FGGY: variants seen among roughly 807,000 people sequenced by gnomAD.
The protein encoded by FGGY is FGGY carbohydrate kinase domain containing.
FGGY carries 72 observed loss-of-function variants against 71.3 expected under a neutral mutation model. The ratio of observed to expected loss-of-function variants is 1.01; its 90% CI spans 0.84 to 1.23. The LOEUF is 1.23. FGGY is among the 50% of genes most tolerant of loss of function. The pLI is 0.00. For synonymous variants in FGGY, 251 were observed against 250.3 expected (o/e 1.00, Z -0.02); for missense variants, 668 against 682.3 (o/e 0.98, Z 0.23).
intron 7 of FGGY, among the ~76,000 whole-genome samples, chr1:59,542,690 A>G (rs1391972925): frequency 1.3e-5 from 2 of 152,064 alleles, no homozygotes; most frequent in South Asian, 2.1e-4. Context: ...TCCCAATCTC[A>G]GGTGATCTGC....
chr1:59,455,472 C>T (rs1264794841), intron 5 of FGGY, among the ~76,000 whole-genome samples: 1 of 152,108 alleles, frequency 6.6e-6, no homozygotes, highest in African/African-American at 2.4e-5. Flanking sequence ...TGGGGATGGC[C>T]AGAACGGAGT....
intron 8 of FGGY, among the ~76,000 whole-genome samples, chr1:59,559,806 GTAT>G (rs2095756194): frequency 6.6e-6 from 1 of 152,214 alleles, no homozygotes; most frequent in South Asian, 2.1e-4. Flanking sequence ...GTAAAATGAA[GTAT>G]TATGAATTAT....
At chr1:59,722,229 T>C (rs1489387788) in intron 14 of FGGY, among the ~76,000 whole-genome samples, 2 of 152,106 alleles carry the variant, frequency 1.3e-5, no homozygotes, top group African/African-American at 2.4e-5. Flanking sequence ...ACTGACAAAG[T>C]ACCATTCTCA....
intron 14 of FGGY, among the ~76,000 whole-genome samples, chr1:59,686,384 T>C (rs2097544414): frequency 6.6e-6 from 1 of 152,194 alleles, no homozygotes; most frequent in Admixed American, 6.5e-5. Flanking sequence ...TGTTGAAGCA[T>C]ATCAAATATC....
intron 10 of FGGY, among the ~76,000 whole-genome samples, chr1:59,632,641 C>T (rs1338904495): frequency 6.6e-6 from 1 of 152,216 alleles, no homozygotes; most frequent in African/African-American, 2.4e-5. Context: ...TGGCACTGTG[C>T]TTAGTGATAA....
intron 5 of FGGY, among the ~76,000 whole-genome samples, chr1:59,430,825 G>T (rs1386265533): frequency 6.6e-6 from 1 of 152,066 alleles, no homozygotes; most frequent in Admixed American, 6.5e-5. Context: ...TATCAGCCCT[G>T]TACCTCTCCT....
intron 5 of FGGY, among the ~76,000 whole-genome samples, chr1:59,381,593 T>C (rs1018837232): frequency 4.0e-4 from 60 of 151,870 alleles, no homozygotes; most frequent in Admixed American, 9.2e-4. Flanking sequence ...ATGCAGTCTG[T>C]TATTGACTGG....
chr1:59,519,356 TG>T (rs996048050), intron 7 of FGGY, among the ~76,000 whole-genome samples: 13 of 152,330 alleles, frequency 8.5e-5, no homozygotes, highest in Admixed American at 7.8e-4. Context: ...AGTGGACTTC[TG>T]GGAATTTGTA....
rs536129730 is a variant in FGGY at position 59,699,196 on chromosome 1, G to A, written c.1512+25063G>A. 18 of 985,184 alleles carry A rather than the reference G, an allele frequency of 1.8e-5. No homozygotes were observed. In the South Asian group the frequency reaches 7.5e-4, roughly 41 times the overall value. 61.0% of individuals were successfully genotyped at this position (985,184 alleles called of 1,614,324 possible). On this transcript the variant is annotated intron_variant, in intron 14 of 15. Coordinates refer to ENST00000303721, the MANE Select transcript of FGGY (RefSeq NM_018291.5). ...GCTGAGTCCCTCAGTGTAAATGTTA[G>A]GAGAAAGAACAGTTCTGAGATTTTT...
In FGGY at chr1:59,364,608, A is replaced by T. The variant is rs537460659; in HGVS notation, c.466-14141A>T. Among the ~76,000 whole-genome samples, 15 of 152,348 alleles carry T rather than the reference A, an allele frequency of 9.8e-5. No individual in the cohort carries two copies. The South Asian group carries it at 2.7e-3, about 27-fold the overall frequency. On this transcript the variant is annotated intron_variant, in intron 4 of 15. Transcript: ENST00000303721. ...GGAGTAGAGATATTTAATAAAAAACATAGCTCTTGCCTTTGAGGAGCTTTC... is the reference window on the plus strand; with the variant it reads ...GGAGTAGAGATATTTAATAAAAAACTTAGCTCTTGCCTTTGAGGAGCTTTC...
At chr1:59,651,771 A>T (rs2097164326) in intron 11 of FGGY, among the ~76,000 whole-genome samples, 1 of 150,124 alleles carries the variant, frequency 6.7e-6, no homozygotes, top group Non-Finnish European at 1.5e-5. Context: ...TAATATTGTT[A>T]TGTGTGAATT....
intron 14 of FGGY, among the ~76,000 whole-genome samples, chr1:59,695,308 C>T (rs944110073): frequency 6.6e-6 from 1 of 152,132 alleles, no homozygotes; most frequent in Non-Finnish European, 1.5e-5. Flanking sequence ...CCGGGAGCAG[C>T]GGCTTCTTAC....
intron 9 of FGGY, among the ~76,000 whole-genome samples, chr1:59,622,022 C>G (rs1265315949): frequency 6.6e-6 from 1 of 151,840 alleles, no homozygotes; most frequent in African/African-American, 2.4e-5. Flanking sequence ...CTCTCTCTCT[C>G]TTTCTCTCTC....
At chr1:59,536,324 G>A (rs1570877757) in intron 7 of FGGY, among the ~76,000 whole-genome samples, 1 of 152,198 alleles carries the variant, frequency 6.6e-6, no homozygotes, top group African/African-American at 2.4e-5. Context: ...CTCTGAAATT[G>A]TGTCAATAAT....
chr1:59,588,056 G>A (rs1289776268), intron 8 of FGGY, among the ~76,000 whole-genome samples: 1 of 152,146 alleles, frequency 6.6e-6, no homozygotes, highest in Non-Finnish European at 1.5e-5. Context: ...AAAAAATTCA[G>A]ATGAATGTAT....
intron 8 of FGGY, among the ~76,000 whole-genome samples, chr1:59,591,278 T>G (rs1018969798): frequency 1.6e-4 from 24 of 152,174 alleles, no homozygotes; most frequent in African/African-American, 5.3e-4. Flanking sequence ...CACTGCTCAA[T>G]GAAATAAAAG....
intron 14 of FGGY, among the ~76,000 whole-genome samples, chr1:59,700,053 C>T (rs2154016379): frequency 6.6e-6 from 1 of 152,242 alleles, no homozygotes; most frequent in East Asian, 1.9e-4. Flanking sequence ...AATTCTTGAT[C>T]AAAGCAATCA....
intron 14 of FGGY, among the ~76,000 whole-genome samples, chr1:59,724,566 T>C (rs1161057964): frequency 6.6e-6 from 1 of 152,214 alleles, no homozygotes; most frequent in Non-Finnish European, 1.5e-5. Context: ...CACTGATCTT[T>C]TTATTGCCTC....
intron 8 of FGGY, among the ~76,000 whole-genome samples, chr1:59,570,302 G>A (rs2095961381): frequency 6.6e-6 from 1 of 152,148 alleles, no homozygotes; most frequent in African/African-American, 2.4e-5. Context: ...GCCTAGCAGA[G>A]CACCTTGTAC....
Sources: gnomAD v4.1 joint callset for allele counts (sites outside exome capture counted in the v4.1 genomes callset) on GRCh38, gnomAD v4.1.1 for gene constraint, MANE v1.5 for transcripts, NCBI Gene and HGNC (gene_info 2026-07-23, HGNC 2026-07-21) for gene names.